Variants in CPNE5 observed in about 807,000 individuals in gnomAD.
CPNE5 encodes copine 5.
In CPNE5, 42 loss-of-function variants were observed where a neutral mutation model predicts 81.1. The observed-to-expected ratio is 0.52, with a 90% CI of 0.40 to 0.67. The LOEUF is 0.67. Ranked by LOEUF, CPNE5 falls within the 30% of genes least tolerant of loss-of-function variation. CPNE5 has a pLI of 0.00. For missense variants in CPNE5, 612 were observed against 815.5 expected (o/e 0.75, Z 3.04); for synonymous variants, 313 against 321.5 (o/e 0.97, Z 0.28).
At chr6:36,778,814 A>T (rs752308157) in intron 9 of CPNE5, 40 bp downstream of exon 9, 6 of 1,375,376 alleles carry the variant, frequency 4.4e-6, no homozygotes, top group Non-Finnish European at 6.2e-6. Flanking sequence ...CCCAGAAGGG[A>T]CGAGAAGGTG....
At chr6:36,791,415 A>G (rs1022366812) in intron 8 of CPNE5, among the ~76,000 whole-genome samples, 11 of 152,208 alleles carry the variant, frequency 7.2e-5, no homozygotes, top group African/African-American at 2.6e-4. Context: ...ACTGACCATC[A>G]CCATTATGAT....
At chr6:36,783,332 C>T (rs1279002233) in intron 8 of CPNE5, among the ~76,000 whole-genome samples, 3 of 136,726 alleles carry the variant, frequency 2.2e-5, no homozygotes, top group Non-Finnish European at 4.6e-5. Context: ...CACAAGTTAA[C>T]CTACATAACA....
At chr6:36,763,664 G>T (rs1009886093) in intron 11 of CPNE5, among the ~76,000 whole-genome samples, 4 of 151,856 alleles carry the variant, frequency 2.6e-5, no homozygotes, top group African/African-American at 9.7e-5. Flanking sequence ...GCATTTGTGG[G>T]TAAGTGGGAA....
chr6:36,754,038 CT>C (rs879838175), intron 13 of CPNE5, among the ~76,000 whole-genome samples: 10 of 152,016 alleles, frequency 6.6e-5, no homozygotes, highest in Non-Finnish European at 1.3e-4. Flanking sequence ...TATTAGGCAC[CT>C]GGATGAACCA....
intron 10 of CPNE5, among the ~76,000 whole-genome samples, chr6:36,768,576 A>C (rs1221197355): frequency 1.3e-5 from 2 of 152,156 alleles, no homozygotes; most frequent in African/African-American, 4.8e-5. Flanking sequence ...GGCTGCCTGA[A>C]GTCACTGCAG....
chr6:36,748,756 G>A (rs1304873328), intron 14 of CPNE5, among the ~76,000 whole-genome samples: 1 of 152,286 alleles, frequency 6.6e-6, no homozygotes, highest in East Asian at 1.9e-4. Flanking sequence ...TTCTGATTGA[G>A]GCTCCAGAGC....
At chr6:36,820,488 C>A (rs1306332083) in intron 3 of CPNE5, among the ~76,000 whole-genome samples, 1 of 151,832 alleles carries the variant, frequency 6.6e-6, no homozygotes. Context: ...ACTACAGGCA[C>A]GCACCACCAC....
intron 10 of CPNE5, among the ~76,000 whole-genome samples, chr6:36,774,083 TA>T (rs71540168): frequency 0.3 from 41,724 of 139,474 alleles, 6,050 homozygotes; most frequent in Non-Finnish European, 0.36. Flanking sequence ...CCATCTCAAT[TA>T]AAAAAAAAAA....
At chr6:36,778,721 G>C in intron 9 of CPNE5, 133 bp downstream of exon 9, 1 of 667,898 alleles carries the variant, frequency 1.5e-6, no homozygotes, top group South Asian at 1.9e-5. Context: ...CTTCCACCCA[G>C]AGCCCTTGCC....
At position 36,761,460 on chromosome 6, in the gene CPNE5, A is replaced by T. The variant is rs151123352; in HGVS notation, c.855+1457T>A. On this transcript the variant is annotated intron_variant, in intron 12 of 20. Coordinates refer to ENST00000244751, the MANE Select transcript of CPNE5 (RefSeq NM_020939.2). Reference sequence around the variant, plus strand: ...AGCCCTTGGAAAGTCTAGTTGGAACACAAGACCTGCCCACTCAGAACCGAC... The same window carrying T: ...AGCCCTTGGAAAGTCTAGTTGGAACTCAAGACCTGCCCACTCAGAACCGAC... 3.2e-4 allele frequency among the ~76,000 whole-genome samples: 48 copies of T among 152,352 alleles called. No individual in the cohort carries two copies. The East Asian group carries it at 8.3e-3, about 26-fold the overall frequency.
chr6:36,837,640 G>A (rs994789860), intron 1 of CPNE5, among the ~76,000 whole-genome samples: 9 of 152,320 alleles, frequency 5.9e-5, no homozygotes, highest in Admixed American at 1.3e-4. Flanking sequence ...TGAGCTGTGT[G>A]TCTCATGGGT....
chr6:36,781,185 C>T (rs763551316), intron 8 of CPNE5, among the ~76,000 whole-genome samples: 9 of 152,082 alleles, frequency 5.9e-5, no homozygotes, highest in African/African-American at 1.4e-4. Context: ...CAGGTAATGA[C>T]GACTTTTATT....
chr6:36,833,266 A>G (rs189367132), intron 1 of CPNE5, among the ~76,000 whole-genome samples: 31 of 152,352 alleles, frequency 2.0e-4, no homozygotes, highest in African/African-American at 7.2e-4. Context: ...ATCAGCAAAA[A>G]GAGAAAATAC....
chr6:36,743,672 C>G lies in CPNE5; in HGVS notation c.1563+17G>C. The G allele has an allele frequency of 6.2e-7, 1 of 1,611,952 alleles. No individual in the cohort carries two copies. The highest frequency in any genetic ancestry group is 8.5e-7 in the Non-Finnish European group (1 of 1,178,574). ...GCTCTTGAATTTCCCATGGGGCAGG[C>G]AAGGCCTGGGCTTCACCTGGACGAT... On this transcript the variant is annotated intron_variant, in intron 20 of 20. Transcript: ENST00000244751.
At chr6:36,817,300 G>A (rs577436592) in intron 3 of CPNE5, among the ~76,000 whole-genome samples, 23 of 152,146 alleles carry the variant, frequency 1.5e-4, no homozygotes, top group Non-Finnish European at 2.4e-4. Context: ...ACTCCAGCCC[G>A]GGCAAAAAGG....
intron 10 of CPNE5, among the ~76,000 whole-genome samples, chr6:36,765,745 G>A (rs1360394185): frequency 6.6e-6 from 1 of 152,000 alleles, no homozygotes; most frequent in Non-Finnish European, 1.5e-5. Context: ...TGGGAGTGTG[G>A]TGCTCCCTGG....
intron 12 of CPNE5, among the ~76,000 whole-genome samples, chr6:36,760,743 C>G (rs1404641069): frequency 6.6e-6 from 1 of 152,120 alleles, no homozygotes; most frequent in East Asian, 1.9e-4. Flanking sequence ...CTAATGTGTT[C>G]AGTTTTGGAA....
At chr6:36,753,548 A>G (rs181091190) in intron 13 of CPNE5, among the ~76,000 whole-genome samples, 2 of 152,360 alleles carry the variant, frequency 1.3e-5, no homozygotes, top group Admixed American at 1.3e-4. Flanking sequence ...GACCAGCTTC[A>G]GGCTTCCATG....
chr6:36,823,637 G>C (rs1339911469), intron 1 of CPNE5, among the ~76,000 whole-genome samples: 1 of 152,128 alleles, frequency 6.6e-6, no homozygotes, highest in African/African-American at 2.4e-5. Context: ...GTCAAGACCA[G>C]GGCTAACACA....
Sources: allele counts gnomAD v4.1 joint callset (sites outside exome capture counted in the v4.1 genomes callset), GRCh38; gene constraint gnomAD v4.1.1; transcripts MANE v1.5; gene names NCBI Gene and HGNC (gene_info 2026-07-23, HGNC 2026-07-21).